Variants in BCAP31 observed in about 807,000 individuals in gnomAD.
BCAP31 encodes the protein B-cell receptor-associated protein 31.
For synonymous variants in BCAP31, 75 were observed against 80.9 expected (o/e 0.93, Z 0.39); for missense variants, 124 against 193.0 (o/e 0.64, Z 2.12).
chrX:153,712,082 C>T (rs1441586895), intron 4 of BCAP31, among the ~76,000 whole-genome samples: 1 of 110,951 alleles, frequency 9.0e-6, no homozygotes, highest in African/African-American at 3.3e-5. Flanking sequence ...GCTGCAGGCT[C>T]GACATCCACC....
intron 4 of BCAP31, among the ~76,000 whole-genome samples, chrX:153,708,444 G>A (rs568959064): frequency 3.6e-5 from 4 of 112,413 alleles, no homozygotes; most frequent in African/African-American, 9.7e-5. Flanking sequence ...CCCTGCTGAC[G>A]GGTTTCAGGC....
intron 2 of BCAP31, among the ~76,000 whole-genome samples, chrX:153,722,946 GA>G (rs2091677651): frequency 9.0e-6 from 1 of 110,533 alleles, no homozygotes; most frequent in Non-Finnish European, 1.9e-5. Flanking sequence ...GGGGACACAG[GA>G]AAAGGAACTG....
At chrX:153,723,922 G>C (rs1206322914) in intron 1 of BCAP31, 1 of 491,610 alleles carries the variant, frequency 2.0e-6, no homozygotes, top group Non-Finnish European at 3.7e-6. Flanking sequence ...CAGGATTCGG[G>C]ACCAAGCGCA....
chrX:153,723,647 G>C, intron 1 of BCAP31: 4 of 1,163,609 alleles, frequency 3.4e-6, no homozygotes, highest in Non-Finnish European at 4.6e-6. Flanking sequence ...ACCAAGAGGA[G>C]GACGCCTCGG....
chrX:153,710,629 A>G (rs1557049028), intron 4 of BCAP31, among the ~76,000 whole-genome samples: 2 of 111,899 alleles, frequency 1.8e-5, no homozygotes, highest in Non-Finnish European at 1.9e-5. Flanking sequence ...TATCCCAGGC[A>G]GCAGCAGCAG....
chrX:153,723,384 C>T (rs1330562775), intron 1 of BCAP31, 96 bp from the exon 2 acceptor site: 33 of 1,131,692 alleles, frequency 2.9e-5, no homozygotes, highest in Non-Finnish European at 3.9e-5. Flanking sequence ...CACTCTCCAC[C>T]CTGACCCCCT....
intron 5 of BCAP31, among the ~76,000 whole-genome samples, chrX:153,703,610 G>A (rs2091533966): frequency 8.9e-6 from 1 of 112,927 alleles, no homozygotes; most frequent in African/African-American, 3.2e-5. Flanking sequence ...TCCAGAGGGG[G>A]TGCGGCAATC....
chrX:153,711,695 G>C (rs1380539479), intron 4 of BCAP31, among the ~76,000 whole-genome samples: 1 of 111,504 alleles, frequency 9.0e-6, no homozygotes, highest in Non-Finnish European at 1.9e-5. Context: ...CATGAGGCCA[G>C]GAGTCAGAGA....
intron 4 of BCAP31, chrX:153,715,293 T>C: frequency 2.5e-6 from 1 of 395,828 alleles, no homozygotes; most frequent in East Asian, 4.1e-5. Context: ...AGTCATCTGT[T>C]TGCCTGAGAG....
intron 1 of BCAP31, 196 bp from the exon 2 acceptor site, chrX:153,723,484 A>G: frequency 8.7e-7 from 1 of 1,151,941 alleles, no homozygotes; most frequent in Non-Finnish European, 1.2e-6. Flanking sequence ...AGGCCCCACA[A>G]ACTTCCGTTC....
intron 2 of BCAP31, among the ~76,000 whole-genome samples, chrX:153,722,098 A>G (rs2091671015): frequency 9.0e-6 from 1 of 111,587 alleles, no homozygotes; most frequent in African/African-American, 3.3e-5. Context: ...TGTTATGATG[A>G]GATGGACCCC....
chrX:153,722,892 T>C (rs1159840815), intron 2 of BCAP31, among the ~76,000 whole-genome samples: 1 of 109,662 alleles, frequency 9.1e-6, no homozygotes, highest in East Asian at 2.9e-4. Context: ...AACTGTAACA[T>C]AGATCTTCCT....
chrX:153,701,865 CAGT>C (rs2091520338), intron 7 of BCAP31, 139 bp downstream of exon 7: 3 of 523,203 alleles, frequency 5.7e-6, no homozygotes, highest in Non-Finnish European at 9.2e-6. Flanking sequence ...GGGTCCCACT[CAGT>C]AGGGCAGAGG....
chrX:153,712,651 C>T, intron 4 of BCAP31, among the ~76,000 whole-genome samples: 1 of 110,451 alleles, frequency 9.1e-6, no homozygotes, highest in South Asian at 3.7e-4. Context: ...TAGCCTGATC[C>T]AAAAAAGCCA....
chrX:153,723,499 G>A (rs1179685575), intron 1 of BCAP31: 1 of 1,155,505 alleles, frequency 8.7e-7, no homozygotes, highest in Non-Finnish European at 1.2e-6. Context: ...CCGTTCGCTG[G>A]TCAATTACCT....
At chrX:153,714,582 T>A (rs782487692) in intron 4 of BCAP31, among the ~76,000 whole-genome samples, 1 of 110,940 alleles carries the variant, frequency 9.0e-6, no homozygotes, top group East Asian at 2.8e-4. Flanking sequence ...CAAGTAGTCA[T>A]CGTAGCGCCT....
At chrX:153,706,927 G>A (rs1301870429) in intron 4 of BCAP31, among the ~76,000 whole-genome samples, 14 of 111,917 alleles carry the variant, frequency 1.3e-4, no homozygotes, top group African/African-American at 4.6e-4. Context: ...CCAGAGCAAG[G>A]CAAATCCGAC....
At chrX:153,723,657 G>A in intron 1 of BCAP31, 2 of 1,159,719 alleles carry the variant, frequency 1.7e-6, no homozygotes, top group Non-Finnish European at 2.3e-6. Context: ...GGACGCCTCG[G>A]CACCCATCGG....
chrX:153,706,286 A>G (rs1247335473), intron 4 of BCAP31, among the ~76,000 whole-genome samples: 4 of 109,891 alleles, frequency 3.6e-5, no homozygotes, highest in Non-Finnish European at 5.7e-5. Context: ...CTGCTGGATG[A>G]CCCGGGATCA....
Sources: gnomAD v4.1 joint callset for allele counts (sites outside exome capture counted in the v4.1 genomes callset) on GRCh38, gnomAD v4.1.1 for gene constraint, MANE v1.5 for transcripts, NCBI Gene and HGNC (gene_info 2026-07-23, HGNC 2026-07-21) for gene names.